NTM: variants seen among roughly 807,000 people sequenced by gnomAD.
The protein encoded by NTM is neurotrimin.
A neutral mutation model predicts 42.1 loss-of-function variants in NTM; 13 were observed. The observed-to-expected ratio is 0.31, with a 90% CI of 0.20 to 0.49. The LOEUF (loss-of-function observed/expected upper bound fraction) is 0.49. Ranked by LOEUF, NTM falls within the 20% of genes least tolerant of loss-of-function variation. The pLI is 0.99. For synonymous variants in NTM, 187 were observed against 179.2 expected, an observed-to-expected ratio of 1.04 and a Z score of -0.35; for missense variants, 373 against 452.8, an observed-to-expected ratio of 0.82 and a Z score of 1.60.
At chr11:131,827,105 T>C (rs1045875777) in intron 1 of NTM, among the ~76,000 whole-genome samples, 3 of 152,162 alleles carry the variant, frequency 2.0e-5, no homozygotes, top group Non-Finnish European at 4.4e-5. Flanking sequence ...TACACGTTGA[T>C]GAATTGAAGC....
At chr11:131,592,914 G>A (rs1424105594) in intron 1 of NTM, among the ~76,000 whole-genome samples, 2 of 151,948 alleles carry the variant, frequency 1.3e-5, no homozygotes, top group South Asian at 2.1e-4. Flanking sequence ...GCCAATCTCC[G>A]GCCACGTCTG....
intron 1 of NTM, among the ~76,000 whole-genome samples, chr11:131,562,054 G>T (rs1462962906): frequency 6.6e-6 from 1 of 151,814 alleles, no homozygotes; most frequent in Non-Finnish European, 1.5e-5. Flanking sequence ...GATTTTTTTG[G>T]TCTGGTTCTA....
chr11:132,098,273 T>G (rs2061253458), intron 2 of NTM, among the ~76,000 whole-genome samples: 1 of 77,848 alleles, frequency 1.3e-5, no homozygotes, highest in African/African-American at 5.7e-5. Context: ...ATGTAATTAG[T>G]ATATTCCCCC....
intron 3 of NTM, among the ~76,000 whole-genome samples, chr11:132,208,986 C>G (rs1406163946): frequency 1.3e-5 from 2 of 151,972 alleles, no homozygotes; most frequent in African/African-American, 4.8e-5. Context: ...TGTGTGGGTG[C>G]TAAGAGTGAG....
chr11:131,745,245 A>G (rs1333790096), intron 1 of NTM, among the ~76,000 whole-genome samples: 2 of 152,192 alleles, frequency 1.3e-5, no homozygotes, highest in African/African-American at 4.8e-5. Context: ...ATTCCTAAAG[A>G]GAACAGAATG....
chr11:131,655,228 T>C (rs2067027190), intron 1 of NTM, among the ~76,000 whole-genome samples: 1 of 152,202 alleles, frequency 6.6e-6, no homozygotes, highest in African/African-American at 2.4e-5. Context: ...CATTCTTGTG[T>C]GCAGACAAAG....
intron 1 of NTM, among the ~76,000 whole-genome samples, chr11:131,401,768 T>C (rs1375882411): frequency 2.4e-5 from 3 of 123,644 alleles, no homozygotes; most frequent in African/African-American, 9.0e-5. Flanking sequence ...CCCATAATTA[T>C]CCTCATCATT....
chr11:132,125,371 T>TGCGTGTG (rs1555271747), intron 2 of NTM, among the ~76,000 whole-genome samples: 1 of 148,388 alleles, frequency 6.7e-6, no homozygotes, highest in East Asian at 2.0e-4. Context: ...GTGTATGATG[T>TGCGTGTG]GTGTGTGGTG....
chr11:132,015,457 C>A (rs1260692067), intron 2 of NTM, among the ~76,000 whole-genome samples: 1 of 151,702 alleles, frequency 6.6e-6, no homozygotes, highest in African/African-American at 2.4e-5. Context: ...GCAGGGATTG[C>A]ATTGAATCTG....
chr11:131,643,335 A>G (rs57147039), intron 1 of NTM, among the ~76,000 whole-genome samples: 6,445 of 152,312 alleles, frequency 0.042, 484 homozygotes, highest in African/African-American at 0.14. Flanking sequence ...CGTGGCCCAG[A>G]GGGCTGCAGG....
At chr11:131,505,958 C>A (rs544491343) in intron 1 of NTM, among the ~76,000 whole-genome samples, 2 of 152,002 alleles carry the variant, frequency 1.3e-5, no homozygotes, top group Middle Eastern at 3.4e-3. Flanking sequence ...TCTGTTATTG[C>A]CCTTTTGTCT....
chr11:132,193,080 A>T (rs1034699487), intron 3 of NTM, among the ~76,000 whole-genome samples: 3 of 152,226 alleles, frequency 2.0e-5, no homozygotes, highest in Non-Finnish European at 4.4e-5. Flanking sequence ...CACTGACAGC[A>T]TTAGACAGAT....
intron 4 of NTM, among the ~76,000 whole-genome samples, chr11:132,271,338 GAGTAAT>G (rs2093466091): frequency 6.6e-6 from 1 of 152,144 alleles, no homozygotes; most frequent in Non-Finnish European, 1.5e-5. Flanking sequence ...GGACTATTGT[GAGTAAT>G]ACTGTTATGA....
intron 2 of NTM, among the ~76,000 whole-genome samples, chr11:132,132,766 A>G (rs112114240): frequency 0.014 from 2,110 of 152,300 alleles, 23 homozygotes; most frequent in Admixed American, 0.022. Context: ...GTCGCAACAC[A>G]ATGGAAAAAG....
chr11:131,394,715 C>A (rs918256770), intron 1 of NTM, among the ~76,000 whole-genome samples: 2 of 152,138 alleles, frequency 1.3e-5, no homozygotes, highest in South Asian at 2.1e-4. Flanking sequence ...ATTATCTGAA[C>A]ATCCATCTAC....
chr11:132,144,005 T>C (rs797020940), intron 2 of NTM, among the ~76,000 whole-genome samples: 65 of 148,916 alleles, frequency 4.4e-4, no homozygotes, highest in African/African-American at 1.6e-3. Context: ...TTCATGTGCA[T>C]TCAGGTTACC....
intron 1 of NTM, among the ~76,000 whole-genome samples, chr11:131,372,789 C>T (rs1027073905): frequency 1.2e-4 from 16 of 138,210 alleles, no homozygotes; most frequent in Admixed American, 4.2e-4. Flanking sequence ...AATTAGCATA[C>T]GTGATTTTTT....
At chr11:131,851,532 C>CGTGTGTGTGTGT (rs71067340) in intron 1 of NTM, among the ~76,000 whole-genome samples, 54 of 146,800 alleles carry the variant, frequency 3.7e-4, no homozygotes, top group Non-Finnish European at 3.5e-4. Flanking sequence ...GTGAGAATGG[C>CGTGTGTGTGTGT]GTGTGTGTGT....
intron 1 of NTM, among the ~76,000 whole-genome samples, chr11:131,559,399 C>T (rs2055913099): frequency 6.6e-6 from 1 of 152,206 alleles, no homozygotes; most frequent in South Asian, 2.1e-4. Flanking sequence ...TGTCTTTTTA[C>T]TTTTAAGAAT....
Sources: gnomAD v4.1 joint callset for allele counts (sites outside exome capture counted in the v4.1 genomes callset) on GRCh38, gnomAD v4.1.1 for gene constraint, MANE v1.5 for transcripts, NCBI Gene and HGNC (gene_info 2026-07-23, HGNC 2026-07-21) for gene names.